HUNK: variants seen among roughly 807,000 people sequenced by gnomAD.
HUNK encodes hormonally up-regulated neu tumor-associated kinase.
A neutral mutation model predicts 61.0 loss-of-function variants in HUNK; 21 were observed. The observed-to-expected ratio is 0.34, with a 90% CI of 0.24 to 0.50. The LOEUF (loss-of-function observed/expected upper bound fraction) is 0.50, where lower values mean the gene tolerates loss of function less well. Ranked by LOEUF, HUNK falls within the 20% of genes least tolerant of loss-of-function variation. The pLI is 0.98. For synonymous variants in HUNK, 371 were observed against 386.1 expected (o/e 0.96, Z 0.46); for missense variants, 772 against 945.7 (o/e 0.82, Z 2.41).
chr21:31,880,595 T>G (rs990609724), intron 1 of HUNK, among the ~76,000 whole-genome samples: 1 of 152,202 alleles, frequency 6.6e-6, no homozygotes, highest in Middle Eastern at 3.2e-3. Context: ...TGTCTCTTTA[T>G]AAGGACACCA....
chr21:31,998,752 A>G lies in HUNK; in HGVS notation c.1713A>G (p.Val571=). The change falls in exon 11 of 11, where the codon GTA becomes GTG. Residue 571 remains valine (V), a synonymous_variant. Coordinates refer to ENST00000270112, the MANE Select transcript of HUNK (RefSeq NM_014586.2). ...AGTCTGTGGATCGCGACGACCACGTAGAAGTGCTGTCTCCCTCTCATCACT... is the reference window on the plus strand; with the variant it reads ...AGTCTGTGGATCGCGACGACCACGTGGAAGTGCTGTCTCCCTCTCATCACT... The part of the protein sequence containing the change: ...SFESVDRDDH[V]EVLSPSHHYR... The G allele has an allele frequency of 2.5e-6, 4 of 1,614,166 alleles. No homozygotes were observed. Among genetic ancestry groups the G allele is most frequent in the Non-Finnish European group, 3.4e-6 (4 of 1,180,034 alleles).
At chr21:31,877,602 T>A (rs2052273705) in intron 1 of HUNK, among the ~76,000 whole-genome samples, 1 of 152,346 alleles carries the variant, frequency 6.6e-6, no homozygotes, top group African/African-American at 2.4e-5. Flanking sequence ...CACTTGGCCA[T>A]GTGAAACTCT....
At chr21:31,961,832 G>A (rs757307329) in intron 5 of HUNK, among the ~76,000 whole-genome samples, 1 of 151,560 alleles carries the variant, frequency 6.6e-6, no homozygotes, top group Non-Finnish European at 1.5e-5. Flanking sequence ...CTTTGAACCC[G>A]ATGACAGCCT....
rs773644952 is a variant in HUNK at position 31,983,855 on chromosome 21, C to T, written c.1257+246C>T. On this transcript the variant is annotated intron_variant, in intron 8 of 10. Transcript: ENST00000270112. ...CGTTTAAACATCTGGATGCCCAGGC[C>T]GCACCTGGGACCCATTCCATTGAAT... Among the ~76,000 whole-genome samples, 10 of 152,122 alleles carry T rather than the reference C, an allele frequency of 6.6e-5. No individual in the cohort carries two copies. The South Asian group carries it at 8.3e-4, about 13-fold the overall frequency.
At chr21:31,881,638 A>G (rs74708709) in intron 1 of HUNK, among the ~76,000 whole-genome samples, 4,224 of 151,950 alleles carry the variant, frequency 0.028, 194 homozygotes, top group African/African-American at 0.095. Flanking sequence ...AGCAGCAGCA[A>G]CAACAACAAC....
chr21:31,946,006 G>A (rs375377891), intron 3 of HUNK, 30 bp from the exon 4 acceptor site: 138 of 1,545,366 alleles, frequency 8.9e-5, no homozygotes, highest in Middle Eastern at 1.7e-4. Context: ...TTTCTAATTC[G>A]GAGCTTGTTT....
At chr21:31,969,606 A>C in intron 6 of HUNK, among the ~76,000 whole-genome samples, 1 of 150,138 alleles carries the variant, frequency 6.7e-6, no homozygotes. Context: ...TTACTCTGTC[A>C]CCCAGGCTAG....
At chr21:31,903,609 A>G (rs964018140) in intron 1 of HUNK, among the ~76,000 whole-genome samples, 5 of 152,194 alleles carry the variant, frequency 3.3e-5, no homozygotes, top group African/African-American at 1.2e-4. Context: ...AGTGTCCTGG[A>G]TAGAACAGAA....
intron 1 of HUNK, 125 bp downstream of exon 1, chr21:31,874,060 C>T: frequency 1.4e-6 from 1 of 704,392 alleles, no homozygotes; most frequent in East Asian, 3.4e-5. Context: ...CCCCCTCCGC[C>T]CGGCTTTCCT....
chr21:31,915,001 T>C (rs2052572540), intron 1 of HUNK, among the ~76,000 whole-genome samples: 1 of 152,052 alleles, frequency 6.6e-6, no homozygotes, highest in South Asian at 2.1e-4. Flanking sequence ...TCTTTTATAG[T>C]ACAGGTTAAT....
At chr21:31,901,416 G>C (rs1259185173) in intron 1 of HUNK, among the ~76,000 whole-genome samples, 1 of 152,128 alleles carries the variant, frequency 6.6e-6, no homozygotes, top group Non-Finnish European at 1.5e-5. Context: ...TGTACACCTG[G>C]CTTTTAATGC....
Position 31,940,228 on chromosome 21 carries a change from T to C in HUNK, c.610+8T>C, listed in dbSNP as rs1442537105. On this transcript the variant is annotated splice_region_variant and intron_variant, in intron 3 of 10. Coordinates refer to ENST00000270112, the MANE Select transcript of HUNK (RefSeq NM_014586.2). ...ATAATATCAAGCTGATTGGTATGAC[T>C]TTTTTTTTTTTTTAAGCAAAAGTAT... 3.8e-6 allele frequency: 1 copy of C among 265,826 alleles called. No individual in the cohort carries two copies. Among genetic ancestry groups the C allele is most frequent in the South Asian group, 1.1e-4 (1 of 9,108 alleles). 16.5% of individuals were successfully genotyped at this position (265,826 alleles called of 1,614,324 possible). A position where few individuals can be genotyped will look rare whatever the true frequency, so the allele number is the denominator to read the frequency against.
At chr21:31,990,575 G>A (rs780016308) in intron 9 of HUNK, among the ~76,000 whole-genome samples, 1 of 149,590 alleles carries the variant, frequency 6.7e-6, no homozygotes, top group Admixed American at 6.7e-5. Context: ...TCGCTCTGTC[G>A]CCCAGGCTGG....
At chr21:31,905,557 C>T (rs1054719233) in intron 1 of HUNK, among the ~76,000 whole-genome samples, 1 of 152,238 alleles carries the variant, frequency 6.6e-6, no homozygotes, top group Non-Finnish European at 1.5e-5. Context: ...CCACCTCCCA[C>T]TGAGCTCCCT....
In HUNK at chr21:31,983,628, A is replaced by C; in HGVS notation, c.1257+19A>C. ...CTATGAGGTGAGTGACCCCTGAAGCAAACCTCAGGGTCTCTTAGGAAGGGT... is the reference window on the plus strand; with the variant it reads ...CTATGAGGTGAGTGACCCCTGAAGCCAACCTCAGGGTCTCTTAGGAAGGGT... On this transcript the variant is annotated intron_variant, in intron 8 of 10. Coordinates refer to ENST00000270112, the MANE Select transcript of HUNK (RefSeq NM_014586.2). The C allele has an allele frequency of 1.3e-6, 2 of 1,550,784 alleles. No homozygotes were observed. Among genetic ancestry groups the C allele is most frequent in the Non-Finnish European group, 1.8e-6 (2 of 1,124,036 alleles).
chr21:31,906,527 C>T (rs527610409), intron 1 of HUNK, among the ~76,000 whole-genome samples: 8 of 152,222 alleles, frequency 5.3e-5, no homozygotes, highest in South Asian at 2.1e-4. Context: ...CTCTGCCTCC[C>T]GGGCTCAGGC....
At chr21:31,931,239 T>C (rs894633197) in intron 2 of HUNK, among the ~76,000 whole-genome samples, 4 of 152,172 alleles carry the variant, frequency 2.6e-5, no homozygotes, top group African/African-American at 9.7e-5. Context: ...CTGTCTGAGT[T>C]GGGTCTATCC....
chr21:31,904,813 G>A (rs567731920), intron 1 of HUNK, among the ~76,000 whole-genome samples: 1 of 152,264 alleles, frequency 6.6e-6, no homozygotes, highest in South Asian at 2.1e-4. Flanking sequence ...ATAGTTGAGC[G>A]GGATGTGGTG....
chr21:31,974,800 C>A, intron 7 of HUNK, 83 bp downstream of exon 7: 1 of 1,303,170 alleles, frequency 7.7e-7, no homozygotes, highest in Non-Finnish European at 1.0e-6. Flanking sequence ...CAGTTGCTGA[C>A]ACTTGATCCA....
Sources: allele counts gnomAD v4.1 joint callset (sites outside exome capture counted in the v4.1 genomes callset), GRCh38; gene constraint gnomAD v4.1.1; transcripts MANE v1.5; gene names NCBI Gene and HGNC (gene_info 2026-07-23, HGNC 2026-07-21).